OSBPL3: variants seen among roughly 807,000 people sequenced by gnomAD.
OSBPL3 encodes the protein oxysterol-binding protein-related protein 3.
In OSBPL3, 65 loss-of-function variants were observed where a neutral mutation model predicts 120.1. The observed-to-expected ratio is 0.54, with a 90% CI of 0.44 to 0.67. The LOEUF (loss-of-function observed/expected upper bound fraction) is 0.67. OSBPL3 is among the 30% of genes least tolerant of loss of function. The pLI is 0.00. For synonymous variants in OSBPL3, 416 were observed against 402.6 expected, an observed-to-expected ratio of 1.03 and a Z score of -0.40; for missense variants, 1,004 against 1,082.1, an observed-to-expected ratio of 0.93 and a Z score of 1.01.
chr7:24,854,382 T>C lies in OSBPL3; in HGVS notation c.1028-1748A>G, dbSNP rs1031141247. Among the ~76,000 whole-genome samples, 7 of 152,132 alleles carry C rather than the reference T, an allele frequency of 4.6e-5. No homozygotes were observed. Among genetic ancestry groups the C allele is most frequent in the Admixed American group, 4.6e-4 (7 of 15,276 alleles). On this transcript the variant is annotated intron_variant, in intron 10 of 22. Transcript: ENST00000313367. The surrounding 1 kb of genome is among the most constrained non-coding windows in gnomAD (Gnocchi z 4.1). ...GGCATTATTGACTTACTTCATTTAATAGCAAGGAGGACAACTAAACCTCTC... is the reference window on the plus strand; with the variant it reads ...GGCATTATTGACTTACTTCATTTAACAGCAAGGAGGACAACTAAACCTCTC...
chr7:24,805,162 G>A lies in OSBPL3; in HGVS notation c.2445-725C>T, dbSNP rs557522443. ...TGTGTAATTTATATATTACTGAACT[G>A]CCCTTTATGGGGATCATACCCAATT... On this transcript the variant is annotated intron_variant, in intron 21 of 22. Transcript: ENST00000313367. The surrounding 1 kb of genome is among the most constrained non-coding windows in gnomAD (Gnocchi z 4.0). 1.1e-4 allele frequency among the ~76,000 whole-genome samples: 16 copies of A among 152,304 alleles called. No homozygotes were observed. The East Asian group carries it at 2.7e-3, about 26-fold the overall frequency.
intron 15 of OSBPL3, among the ~76,000 whole-genome samples, chr7:24,832,874 G>A (rs1357538771): frequency 6.6e-6 from 1 of 152,132 alleles, no homozygotes; most frequent in Non-Finnish European, 1.5e-5. Context: ...CATGAGATAA[G>A]ACTCCTGCTT....
At position 24,805,602 on chromosome 7, in the gene OSBPL3, A is replaced by G. The variant is rs1263015866; in HGVS notation, c.2445-1165T>C. 6.6e-6 allele frequency among the ~76,000 whole-genome samples: 1 copy of G among 152,224 alleles called. No individual in the cohort carries two copies. The highest frequency in any genetic ancestry group is 1.5e-5 in the Non-Finnish European group (1 of 68,042). On this transcript the variant is annotated intron_variant, in intron 21 of 22. Transcript: ENST00000313367. The surrounding 1 kb of genome is among the most constrained non-coding windows in gnomAD (Gnocchi z 4.0). ...ACAAAAAATACTTCCCTAAAAAAGTAGACAAACTGCACGAAACAGTACAAG... is the reference window on the plus strand; with the variant it reads ...ACAAAAAATACTTCCCTAAAAAAGTGGACAAACTGCACGAAACAGTACAAG...
intron 2 of OSBPL3, among the ~76,000 whole-genome samples, chr7:24,884,216 A>C (rs992580676): frequency 1.3e-5 from 2 of 152,208 alleles, no homozygotes; most frequent in East Asian, 1.9e-4. Context: ...CCATTTGTAC[A>C]TAAGGCATGG....
rs547405554 is a variant in OSBPL3 at position 24,891,243 on chromosome 7, G to A, written c.96+1134C>T. ...TTTTTTTTTAATTCCAGAAGGAACC[G>A]ATGACAGTGCTGACAAAATTCTCCT... On this transcript the variant is annotated intron_variant, in intron 2 of 22. Transcript: ENST00000313367. The surrounding 1 kb of genome is among the most constrained non-coding windows in gnomAD (Gnocchi z 4.1). Among the ~76,000 whole-genome samples, 8 of 151,396 alleles carry A rather than the reference G, an allele frequency of 5.3e-5. No individual in the cohort carries two copies. In the East Asian group the frequency reaches 7.8e-4, roughly 15 times the overall value.
At chr7:24,878,440 G>A (rs1205952750) in intron 2 of OSBPL3, among the ~76,000 whole-genome samples, 4 of 152,114 alleles carry the variant, frequency 2.6e-5, no homozygotes, top group African/African-American at 9.7e-5. Flanking sequence ...AATTTAATGT[G>A]TCTTTAATGA....
rs1359833135 is a variant in OSBPL3 at position 24,877,422 on chromosome 7, CT to C, written c.97-5354del. Among the ~76,000 whole-genome samples the C allele has an allele frequency of 6.6e-6, 1 of 152,128 alleles. No individual in the cohort carries two copies. Among genetic ancestry groups the C allele is most frequent in the African/African-American group, 2.4e-5 (1 of 41,420 alleles). Reference sequence around the variant, plus strand: ...TCATTTTTTTTCATATTTGGAAAGCCTGCCCCATCTACCTCTTAGCCAGGTA... The same window carrying C: ...TCATTTTTTTTCATATTTGGAAAGCCGCCCCATCTACCTCTTAGCCAGGTA... On this transcript the variant is annotated intron_variant, in intron 2 of 22. Coordinates refer to ENST00000313367, the MANE Select transcript of OSBPL3 (RefSeq NM_015550.4). This position sits in a 1 kb window ranked among gnomAD's most constrained non-coding sequence, Gnocchi z 4.8.
Position 24,821,125 on chromosome 7 carries a change from G to C in OSBPL3, c.1885-887C>G, listed in dbSNP as rs1413199099. ...GGTGAAACCACAGTAATGCTGCCAA[G>C]GGTGTTTCCAGAAAGTTCTCTGATG... On this transcript the variant is annotated intron_variant, in intron 16 of 22. Transcript: ENST00000313367. This position sits in a 1 kb window ranked among gnomAD's most constrained non-coding sequence, Gnocchi z 5.5. 2.0e-5 allele frequency among the ~76,000 whole-genome samples: 3 copies of C among 152,308 alleles called. No homozygotes were observed. The highest frequency in any genetic ancestry group is 7.2e-5 in the African/African-American group (3 of 41,558).
intron 1 of OSBPL3, among the ~76,000 whole-genome samples, chr7:24,917,399 A>ATATATATATATAT (rs1194293107): frequency 1.9e-4 from 8 of 42,972 alleles, no homozygotes; most frequent in African/African-American, 8.2e-4. Flanking sequence ...ATATATTTGT[A>ATATATATATATAT]ACATATATAT....
intron 1 of OSBPL3, among the ~76,000 whole-genome samples, chr7:24,976,048 A>C (rs549971686): frequency 6.6e-6 from 1 of 152,344 alleles, no homozygotes; most frequent in South Asian, 2.1e-4. Flanking sequence ...AGGCTAAGGA[A>C]TCTATATGCA....
Position 24,865,811 on chromosome 7 carries a change from G to A in OSBPL3, c.549+259C>T, listed in dbSNP as rs185095083. 1.1e-4 allele frequency among the ~76,000 whole-genome samples: 16 copies of A among 152,272 alleles called. 1 individual carries two copies. The East Asian group carries it at 3.1e-3, about 29-fold the overall frequency. On this transcript the variant is annotated intron_variant, in intron 6 of 22. Transcript: ENST00000313367. ...AGAAAAGGAAACCAAACTCAAACCA[G>A]TCAGGATAAAGCTAGTTCATTCAGA...
chr7:24,957,922 T>C (rs1815265545), intron 1 of OSBPL3, among the ~76,000 whole-genome samples: 1 of 152,178 alleles, frequency 6.6e-6, no homozygotes, highest in Admixed American at 6.5e-5. Flanking sequence ...TTTTTTCCAT[T>C]TAACAATAAA....
Position 24,912,801 on chromosome 7 carries a change from T to C in OSBPL3, c.-149-20180A>G, listed in dbSNP as rs1251130644. Among the ~76,000 whole-genome samples, 6 of 152,242 alleles carry C rather than the reference T, an allele frequency of 3.9e-5. No individual in the cohort carries two copies. The highest frequency in any genetic ancestry group is 3.9e-4 in the Admixed American group (6 of 15,286). The stretch of plus-strand genomic sequence containing the variant: ...ACCGTGACACTTCTTCATCAATAGA[T>C]GGCTTCTATATTCCCATCCTTCAAA... On this transcript the variant is annotated intron_variant, in intron 1 of 22. Transcript: ENST00000313367. This position sits in a 1 kb window ranked among gnomAD's most constrained non-coding sequence, Gnocchi z 4.5.
At chr7:24,934,837 GA>G (rs1812207346) in intron 1 of OSBPL3, among the ~76,000 whole-genome samples, 1 of 152,152 alleles carries the variant, frequency 6.6e-6, no homozygotes, top group Non-Finnish European at 1.5e-5. Flanking sequence ...CAGGCAGATG[GA>G]AACGCCAGAA....
At chr7:24,807,007 A>G (rs1793133748) in intron 20 of OSBPL3, 105 bp from the exon 21 acceptor site, 3 of 915,438 alleles carry the variant, frequency 3.3e-6, no homozygotes, top group Non-Finnish European at 4.9e-6. Context: ...TTTCTCTCTC[A>G]GCTCCCTTCC....
intron 16 of OSBPL3, among the ~76,000 whole-genome samples, chr7:24,825,982 T>C (rs1446468980): frequency 6.6e-6 from 1 of 152,236 alleles, no homozygotes; most frequent in African/African-American, 2.4e-5. Context: ...TAGGAAAAGC[T>C]ACTTTTAGAC....
chr7:24,837,281 G>A (rs1283333548), intron 14 of OSBPL3, among the ~76,000 whole-genome samples: 1 of 152,148 alleles, frequency 6.6e-6, no homozygotes, highest in Non-Finnish European at 1.5e-5. Flanking sequence ...ATAGCTCACT[G>A]TAACCTCGAA....
intron 1 of OSBPL3, among the ~76,000 whole-genome samples, chr7:24,907,986 T>G (rs1364128470): frequency 6.6e-6 from 1 of 152,276 alleles, no homozygotes; most frequent in Non-Finnish European, 1.5e-5. Flanking sequence ...CTGTCTTTAC[T>G]GTTCACTGGA....
At chr7:24,961,533 A>G (rs1410921173) in intron 1 of OSBPL3, among the ~76,000 whole-genome samples, 1 of 152,136 alleles carries the variant, frequency 6.6e-6, no homozygotes, top group African/African-American at 2.4e-5. Flanking sequence ...CGCTCCCACA[A>G]AAAAGCTCCC....
Sources: gnomAD v4.1 joint callset for allele counts (sites outside exome capture counted in the v4.1 genomes callset) on GRCh38, gnomAD v4.1.1 for gene constraint, Gnocchi (gnomAD v3.1) non-coding constraint, MANE v1.5 for transcripts, NCBI Gene and HGNC (gene_info 2026-07-23, HGNC 2026-07-21) for gene names.